The following SUCLG2 variants were observed in gnomAD, a reference collection of about 807,000 sequenced individuals.
SUCLG2 encodes the protein succinate--CoA ligase [GDP-forming] subunit beta, mitochondrial.
SUCLG2 carries 42 observed loss-of-function variants against 47.9 expected under a neutral mutation model. The observed-to-expected ratio is 0.88, with a 90% confidence interval of 0.69 to 1.14. SUCLG2 has a LOEUF of 1.14. Among genes scored for constraint, SUCLG2 ranks in the 50% most tolerant of loss-of-function variants. The probability of loss-of-function intolerance (pLI) is 0.00; values close to 1 mark genes in which losing one functional copy is unlikely to be tolerated. For missense variants in SUCLG2, 571 were observed against 525.9 expected (o/e 1.09, Z -0.84); for synonymous variants, 195 against 197.3 (o/e 0.99, Z 0.10).
At chr3:67,647,768 A>C (rs1701217075) in intron 1 of SUCLG2, among the ~76,000 whole-genome samples, 1 of 152,232 alleles carries the variant, frequency 6.6e-6, no homozygotes, top group Non-Finnish European at 1.5e-5. Context: ...CCAACTGTGG[A>C]ATCCTGAAGA....
rs751502415 is a variant in SUCLG2, at chr3:67,538,121, G to A, written c.227-8935C>T. ...TGGCTTTTGTTGCTATTGCTTTGGC[G>A]TTTTAGTCATGAAGTCTCTGCCCAT... On this transcript the variant is annotated intron_variant, in intron 2 of 10. Transcript: ENST00000307227. 1.4e-3 allele frequency among the ~76,000 whole-genome samples: 210 copies of A among 152,232 alleles called. 2 individuals are homozygous for A. Among genetic ancestry groups the A allele is most frequent in the Middle Eastern group, 3.4e-3 (1 of 294 alleles).
chr3:67,496,984 C>T (rs1197751618), intron 8 of SUCLG2, among the ~76,000 whole-genome samples: 1 of 152,150 alleles, frequency 6.6e-6, no homozygotes, highest in East Asian at 1.9e-4. Flanking sequence ...TTTGAGGCTG[C>T]TATGTGGTCA....
At chr3:67,414,388 C>G (rs1382592323) in intron 9 of SUCLG2, among the ~76,000 whole-genome samples, 1 of 152,086 alleles carries the variant, frequency 6.6e-6, no homozygotes, top group African/African-American at 2.4e-5. Flanking sequence ...GTTGGGGGTA[C>G]TTCTTATGGG....
At chr3:67,402,021 C>T (rs969397890) in intron 9 of SUCLG2, among the ~76,000 whole-genome samples, 3 of 152,302 alleles carry the variant, frequency 2.0e-5, no homozygotes, top group Admixed American at 6.5e-5. Flanking sequence ...CATGTTGTCC[C>T]AAGGTCACAC....
intron 9 of SUCLG2, among the ~76,000 whole-genome samples, chr3:67,425,100 G>A (rs1467147648): frequency 1.3e-5 from 2 of 152,074 alleles, no homozygotes; most frequent in Non-Finnish European, 2.9e-5. Context: ...TAAATTCAAT[G>A]TCATATAAGA....
At chr3:67,444,107 G>A (rs1361809973) in intron 9 of SUCLG2, among the ~76,000 whole-genome samples, 1 of 99,958 alleles carries the variant, frequency 1.0e-5, no homozygotes, top group Admixed American at 1.1e-4. Flanking sequence ...CGGGAGGGAG[G>A]TGGGGGGGTC....
chr3:67,500,228 A>G (rs1705459549), intron 7 of SUCLG2, among the ~76,000 whole-genome samples: 1 of 151,830 alleles, frequency 6.6e-6, no homozygotes, highest in African/African-American at 2.4e-5. Context: ...AAAATAAAAC[A>G]TGGCTGTATA....
intron 1 of SUCLG2, among the ~76,000 whole-genome samples, chr3:67,610,344 A>G (rs1700505525): frequency 1.3e-5 from 2 of 152,232 alleles, no homozygotes; most frequent in African/African-American, 4.8e-5. Flanking sequence ...AATTTGCTTA[A>G]GTTTCAAGTA....
chr3:67,459,629 T>A (rs777231051), intron 9 of SUCLG2, among the ~76,000 whole-genome samples: 2 of 152,230 alleles, frequency 1.3e-5, no homozygotes, highest in Non-Finnish European at 2.9e-5. Flanking sequence ...AGAGAAAGTA[T>A]GCCAAAGCTC....
intron 9 of SUCLG2, among the ~76,000 whole-genome samples, chr3:67,432,726 CCTTT>C (rs945786746): frequency 1.3e-5 from 2 of 152,200 alleles, no homozygotes; most frequent in African/African-American, 4.8e-5. Flanking sequence ...TCCCATTTTA[CCTTT>C]CTGTCTTTTA....
chr3:67,411,544 A>C (rs1168841344), intron 9 of SUCLG2, among the ~76,000 whole-genome samples: 1 of 152,204 alleles, frequency 6.6e-6, no homozygotes, highest in African/African-American at 2.4e-5. Flanking sequence ...TCAGTGATCT[A>C]TAAGCTATTT....
intron 2 of SUCLG2, among the ~76,000 whole-genome samples, chr3:67,538,246 G>GT (rs1706600898): frequency 6.6e-6 from 1 of 152,074 alleles, no homozygotes; most frequent in Admixed American, 6.5e-5. Flanking sequence ...TAATTTTTGT[G>GT]TAAGGCGTAA....
intron 2 of SUCLG2, among the ~76,000 whole-genome samples, chr3:67,576,336 G>A (rs1428036168): frequency 6.6e-6 from 1 of 152,046 alleles, no homozygotes; most frequent in Non-Finnish European, 1.5e-5. Flanking sequence ...GCCATGGTAG[G>A]ATTTGTATAA....
At chr3:67,510,154 T>G (rs780402522) in intron 6 of SUCLG2, among the ~76,000 whole-genome samples, 3 of 152,192 alleles carry the variant, frequency 2.0e-5, no homozygotes, top group Non-Finnish European at 4.4e-5. Flanking sequence ...GTTGCCTTTC[T>G]GTCAACTCTT....
chr3:67,571,259 C>T (rs1170169312), intron 2 of SUCLG2, among the ~76,000 whole-genome samples: 1 of 152,120 alleles, frequency 6.6e-6, no homozygotes, highest in Non-Finnish European at 1.5e-5. Context: ...TACTCCACCT[C>T]CACCCTAGGG....
At chr3:67,615,815 T>C (rs1272249749) in intron 1 of SUCLG2, among the ~76,000 whole-genome samples, 1 of 152,128 alleles carries the variant, frequency 6.6e-6, no homozygotes, top group African/African-American at 2.4e-5. Context: ...TTCCTGGGTA[T>C]CTATCCTAGC....
chr3:67,490,948 C>T (rs1160995557), intron 9 of SUCLG2, among the ~76,000 whole-genome samples: 2 of 152,034 alleles, frequency 1.3e-5, no homozygotes, highest in Non-Finnish European at 2.9e-5. Context: ...TAAAAGATAA[C>T]AAATGCAAAA....
At chr3:67,422,206 G>A (rs1241368971) in intron 9 of SUCLG2, among the ~76,000 whole-genome samples, 3 of 151,308 alleles carry the variant, frequency 2.0e-5, no homozygotes, top group Non-Finnish European at 4.4e-5. Flanking sequence ...GGGCACAGTG[G>A]CTCATGCCTG....
At position 67,482,444 on chromosome 3, in the gene SUCLG2, T is replaced by C. The variant is rs1394435835; in HGVS notation, c.1062+13354A>G. Among the ~76,000 whole-genome samples, 5 of 148,798 alleles carry C rather than the reference T, an allele frequency of 3.4e-5. No individual in the cohort carries two copies. In the East Asian group the frequency reaches 9.9e-4, roughly 30 times the overall value. Reference sequence around the variant, plus strand: ...AATCAAAGAATTTGTTCTTTCAGTATAAGTTCTCTTCATGTTTCTATACTT... The same window carrying C: ...AATCAAAGAATTTGTTCTTTCAGTACAAGTTCTCTTCATGTTTCTATACTT... On this transcript the variant is annotated intron_variant, in intron 9 of 10. Coordinates refer to ENST00000307227, the MANE Select transcript of SUCLG2 (RefSeq NM_003848.4).
Sources: gnomAD v4.1 joint callset for allele counts (sites outside exome capture counted in the v4.1 genomes callset) on GRCh38, gnomAD v4.1.1 for gene constraint, MANE v1.5 for transcripts, NCBI Gene and HGNC (gene_info 2026-07-23, HGNC 2026-07-21) for gene names.